SKI: variants seen among roughly 807,000 people sequenced by gnomAD.
SKI encodes the protein ski oncogene.
SKI carries 23 observed loss-of-function variants against 59.3 expected under a neutral mutation model. That is an observed-to-expected ratio of 0.39 (90% CI 0.28 to 0.55). SKI has a LOEUF of 0.55. Ranked by LOEUF, SKI falls within the 20% of genes least tolerant of loss-of-function variation. The pLI, the probability that SKI is intolerant of heterozygous loss-of-function variation, is 0.67. For missense variants in SKI, 1,017 were observed against 1,038.9 expected (o/e 0.98, Z 0.29); for synonymous variants, 673 against 488.6 (o/e 1.38, Z -4.98).
chr1:2,304,008 C>G lies in SKI; in HGVS notation c.1380C>G (p.Asp460Glu), dbSNP rs1374539078. 1 of 1,612,568 alleles carries G rather than the reference C, an allele frequency of 6.2e-7. No homozygotes were observed. The highest frequency in any genetic ancestry group is 1.1e-5 in the South Asian group (1 of 91,076). Residue 460 changes from aspartate to glutamate, a missense_variant, in exon 4 of 7, where the codon GAC (aspartate) becomes GAG (glutamate). By Grantham distance (45) the Asp-to-Glu change is conservative. Coordinates refer to ENST00000378536, the MANE Select transcript of SKI (RefSeq NM_003036.4). ...CTCGGAAGCGGAAGCTGACTGTGGA[C>G]ACCCCAGGAGCCCCAGAGACGCTGG... ...TQPRKRKLTV[D>E]TPGAPETLAP...
chr1:2,293,373 C>T (rs867945972), intron 1 of SKI, among the ~76,000 whole-genome samples: 29 of 151,744 alleles, frequency 1.9e-4, no homozygotes, highest in African/African-American at 6.5e-4. Context: ...AAGGTCCAGC[C>T]GAGGGTTGGG....
chr1:2,261,321 T>C (rs1182456097), intron 1 of SKI, among the ~76,000 whole-genome samples: 1 of 152,244 alleles, frequency 6.6e-6, no homozygotes, highest in African/African-American at 2.4e-5. Context: ...TGTGAACATT[T>C]CTGGGAAATT....
At chr1:2,290,237 A>C (rs905729353) in intron 1 of SKI, among the ~76,000 whole-genome samples, 47 of 152,236 alleles carry the variant, frequency 3.1e-4, no homozygotes, top group African/African-American at 1.1e-3. Flanking sequence ...TCCTGGGAAG[A>C]GGCTACTTCT....
chr1:2,291,281 C>A (rs763522581), intron 1 of SKI, among the ~76,000 whole-genome samples: 1 of 152,258 alleles, frequency 6.6e-6, no homozygotes, highest in East Asian at 1.9e-4. Context: ...TTTCGGATTC[C>A]GAAAGTGAGG....
chr1:2,285,942 C>T (rs1266754033), intron 1 of SKI, among the ~76,000 whole-genome samples: 1 of 144,356 alleles, frequency 6.9e-6, no homozygotes, highest in East Asian at 2.1e-4. Flanking sequence ...GGCACGATCT[C>T]GGCTCACTGC....
rs1459338063 is a variant in SKI at position 2,255,403 on chromosome 1, T to C, written c.969+25668T>C. Among the ~76,000 whole-genome samples, 3 of 152,246 alleles carry C rather than the reference T, an allele frequency of 2.0e-5. No individual in the cohort carries two copies. The East Asian group carries it at 5.8e-4, about 29-fold the overall frequency. The stretch of plus-strand genomic sequence containing the variant: ...GAGTGGTGTCTTCTGACCCCATTTC[T>C]TATCTGGAACACTGTGTCCTGACTT... On this transcript the variant is annotated intron_variant, in intron 1 of 6. Coordinates refer to ENST00000378536, the MANE Select transcript of SKI (RefSeq NM_003036.4).
rs1180163096 is a variant in SKI, at chr1:2,310,155, G to A, written c.*3390G>A. 2.0e-5 allele frequency: 3 copies of A among 152,056 alleles called. No homozygotes were observed. Among genetic ancestry groups the A allele is most frequent in the Non-Finnish European group, 4.4e-5 (3 of 68,014 alleles). The allele number at this position is 152,056 out of a possible 1,614,324, so 9.4% of individuals were successfully genotyped here. On this transcript the variant is annotated 3_prime_UTR_variant, in exon 7 of 7. Coordinates refer to ENST00000378536, the MANE Select transcript of SKI (RefSeq NM_003036.4). ...TATTTATCTATTTCGCTGTGTACCT[G>A]TTAGTCCTTCCCCGACCCCGAAACA...
intron 1 of SKI, among the ~76,000 whole-genome samples, chr1:2,273,637 C>T (rs1639676600): frequency 6.6e-6 from 1 of 152,216 alleles, no homozygotes. Flanking sequence ...GGGGTAAGAA[C>T]ATCCACGGAG....
At chr1:2,290,168 AGGCAGGGCAGCCCTGGGCTGCCCCC>A (rs1037416239) in intron 1 of SKI, among the ~76,000 whole-genome samples, 3 of 151,982 alleles carry the variant, frequency 2.0e-5, no homozygotes, top group Non-Finnish European at 4.4e-5. Flanking sequence ...TTAAGAGATC[AGGCAGGGCAGCCCTGGGCTGCCCCC>A]GGCAGAGCCT....
rs1388121613 is a variant in SKI at position 2,271,389 on chromosome 1, C to T, written c.970-31589C>T. ...CGCCGGGAGAGGTCCCCCACAGGAGCCTGTTATGGAGCCGCGTGGCGCCTG... is the reference window on the plus strand; with the variant it reads ...CGCCGGGAGAGGTCCCCCACAGGAGTCTGTTATGGAGCCGCGTGGCGCCTG... On this transcript the variant is annotated intron_variant, in intron 1 of 6. Transcript: ENST00000378536. Among the ~76,000 whole-genome samples, 4 of 151,950 alleles carry T rather than the reference C, an allele frequency of 2.6e-5. No homozygotes were observed. In the South Asian group the frequency reaches 6.2e-4, roughly 24 times the overall value.
chr1:2,231,411 C>T (rs78634978), intron 1 of SKI, among the ~76,000 whole-genome samples: 4 of 152,188 alleles, frequency 2.6e-5, no homozygotes, highest in Admixed American at 6.5e-5. Flanking sequence ...TTTCTGTCTT[C>T]CTGGGCTTTG....
At chr1:2,271,770 T>G (rs1050925834) in intron 1 of SKI, among the ~76,000 whole-genome samples, 2 of 151,782 alleles carry the variant, frequency 1.3e-5, no homozygotes, top group African/African-American at 4.8e-5. Context: ...TGAGCACTCA[T>G]GCAGGCCTCC....
chr1:2,291,284 AAGTG>A (rs1221252082), intron 1 of SKI, among the ~76,000 whole-genome samples: 1 of 152,206 alleles, frequency 6.6e-6, no homozygotes, highest in African/African-American at 2.4e-5. Context: ...CGGATTCCGA[AAGTG>A]AGGTTTTGCA....
rs575697560 is a variant in SKI at position 2,286,684 on chromosome 1, C to T, written c.970-16294C>T. On this transcript the variant is annotated intron_variant, in intron 1 of 6. Coordinates refer to ENST00000378536, the MANE Select transcript of SKI (RefSeq NM_003036.4). ...TTCGCTTAACTCACCCATGTGGCCACGCAGCTCTCGCTCTGAGTGAGGACA... is the reference window on the plus strand; with the variant it reads ...TTCGCTTAACTCACCCATGTGGCCATGCAGCTCTCGCTCTGAGTGAGGACA... 4.6e-5 allele frequency among the ~76,000 whole-genome samples: 7 copies of T among 152,368 alleles called. No homozygotes were observed. The South Asian group carries it at 8.3e-4, about 18-fold the overall frequency.
chr1:2,263,697 A>G (rs1639436303), intron 1 of SKI, among the ~76,000 whole-genome samples: 1 of 151,538 alleles, frequency 6.6e-6, no homozygotes, highest in African/African-American at 2.4e-5. Context: ...TTTTTCTTTT[A>G]AAAATGTTTG....
intron 5 of SKI, 110 bp from the exon 6 acceptor site, chr1:2,305,910 G>T (rs973735169): frequency 3.4e-6 from 3 of 872,474 alleles, no homozygotes; most frequent in African/African-American, 1.7e-5. Context: ...GGGCTCCAGG[G>T]CACATTGTCA....
chr1:2,229,670 C>T lies in SKI; in HGVS notation c.904C>T (p.Arg302Cys), dbSNP rs1431219642. Residue 302 changes from arginine (R) to cysteine (C), a missense_variant, in exon 1 of 7, where the codon CGC becomes TGC. By Grantham distance (180) the Arg-to-Cys change is radical (BLOSUM62 -3). Transcript: ENST00000378536. The surrounding 1 kb of genome is among the most constrained non-coding windows in gnomAD (Gnocchi z 6.3). ...TGKEEQARLG[R>C]CLDDVKEKFD... ...CAAGGAGGAGCAGGCGCGCCTCGGC[C>T]GCTGCCTGGACGACGTGAAGGAGAA... 3.1e-6 allele frequency: 5 copies of T among 1,609,162 alleles called. No individual in the cohort carries two copies. The highest frequency in any genetic ancestry group is 2.2e-5 in the East Asian group (1 of 44,564).
chr1:2,269,989 G>T lies in SKI; in HGVS notation c.970-32989G>T, dbSNP rs1049015167. On this transcript the variant is annotated intron_variant, in intron 1 of 6. Transcript: ENST00000378536. This position sits in a 1 kb window ranked among gnomAD's most constrained non-coding sequence, Gnocchi z 4.7. ...GCCTGTGGCTGGCGTGGGTCTGGCG[G>T]GTCTGGTGGTGCCTGTGGCTGGCGT... 2.1e-5 allele frequency among the ~76,000 whole-genome samples: 3 copies of T among 144,004 alleles called. No homozygotes were observed. The highest frequency in any genetic ancestry group is 4.6e-4 in the South Asian group (2 of 4,330). 94.5% of individuals were successfully genotyped at this position (144,004 alleles called of 152,430 possible).
At chr1:2,237,822 G>A (rs749667347) in intron 1 of SKI, among the ~76,000 whole-genome samples, 4 of 152,252 alleles carry the variant, frequency 2.6e-5, no homozygotes, top group African/African-American at 4.8e-5. Context: ...TGCTGAGCTC[G>A]TCCTGCAGAA....
Sources: gnomAD v4.1 joint callset for allele counts (sites outside exome capture counted in the v4.1 genomes callset) on GRCh38, gnomAD v4.1.1 for gene constraint, Gnocchi (gnomAD v3.1) non-coding constraint, MANE v1.5 for transcripts, NCBI Gene and HGNC (gene_info 2026-07-23, HGNC 2026-07-21) for gene names.